RSRC1: variants seen among roughly 807,000 people sequenced by gnomAD.
RSRC1 encodes the protein arginine and serine rich coiled-coil 1, also known as serine/Arginine-related protein 53.
Under a neutral mutation model 49.1 loss-of-function variants are expected in RSRC1, and 39 were observed. The ratio of observed to expected loss-of-function variants is 0.79; its 90% confidence interval spans 0.61 to 1.04. The LOEUF (loss-of-function observed/expected upper bound fraction) is 1.04, where lower values mean the gene tolerates loss of function less well. Ranked by LOEUF, RSRC1 falls within the 50% of genes least tolerant of loss-of-function variation. The pLI is 0.00. For synonymous variants in RSRC1, 143 were observed against 130.8 expected (o/e 1.09, Z -0.63); for missense variants, 388 against 402.4 (o/e 0.96, Z 0.31).
intron 7 of RSRC1, among the ~76,000 whole-genome samples, 191 bp from the exon 8 acceptor site, chr3:158,536,901 T>C (rs1434144640): frequency 6.6e-6 from 1 of 151,544 alleles, no homozygotes; most frequent in Non-Finnish European, 1.5e-5. Flanking sequence ...GTGTTTTAGG[T>C]TTTGAGTATA....
intron 7 of RSRC1, among the ~76,000 whole-genome samples, chr3:158,515,947 CA>C (rs1740500143): frequency 6.6e-6 from 1 of 151,202 alleles, no homozygotes; most frequent in African/African-American, 2.4e-5. Context: ...TTTTCAGCTC[CA>C]TCAGCTCCTT....
intron 7 of RSRC1, among the ~76,000 whole-genome samples, chr3:158,525,939 T>A (rs1176106182): frequency 6.6e-6 from 1 of 151,886 alleles, no homozygotes. Flanking sequence ...ACAATGGACA[T>A]GTTCTATATA....
chr3:158,179,409 C>T (rs775477790), intron 3 of RSRC1, among the ~76,000 whole-genome samples: 1 of 152,148 alleles, frequency 6.6e-6, no homozygotes, highest in East Asian at 1.9e-4. Context: ...TTTTAGACCC[C>T]CTTTGAAAGA....
At chr3:158,457,480 C>G (rs1737391490) in intron 6 of RSRC1, among the ~76,000 whole-genome samples, 2 of 151,886 alleles carry the variant, frequency 1.3e-5, no homozygotes, top group Non-Finnish European at 2.9e-5. Context: ...TGGCAGTGTC[C>G]AGGAAGTAAT....
intron 5 of RSRC1, among the ~76,000 whole-genome samples, chr3:158,333,159 AGGGTTTCACCAT>A (rs1729657999): frequency 6.6e-6 from 1 of 151,984 alleles, no homozygotes; most frequent in Non-Finnish European, 1.5e-5. Context: ...TAGTAGAGAC[AGGGTTTCACCAT>A]GGTAGCCAGG....
At chr3:158,334,716 T>A (rs1729785487) in intron 5 of RSRC1, among the ~76,000 whole-genome samples, 1 of 150,286 alleles carries the variant, frequency 6.7e-6, no homozygotes, top group Non-Finnish European at 1.5e-5. Context: ...AGACAGGGTT[T>A]CACCATGTTG....
intron 5 of RSRC1, among the ~76,000 whole-genome samples, chr3:158,305,451 G>C (rs1727786707): frequency 6.6e-6 from 1 of 152,046 alleles, no homozygotes; most frequent in Non-Finnish European, 1.5e-5. Flanking sequence ...AGACCTTCTT[G>C]AAACTACTGC....
intron 7 of RSRC1, among the ~76,000 whole-genome samples, chr3:158,461,756 C>T (rs564244489): frequency 2.0e-5 from 3 of 151,854 alleles, no homozygotes; most frequent in Non-Finnish European, 4.4e-5. Context: ...TAGCTATTTC[C>T]TCTTGTGAGC....
chr3:158,475,565 A>G (rs1444767115), intron 7 of RSRC1, among the ~76,000 whole-genome samples: 1 of 152,138 alleles, frequency 6.6e-6, no homozygotes, highest in Non-Finnish European at 1.5e-5. Context: ...TATTTTAAAC[A>G]TGCTCATTAT....
intron 6 of RSRC1, among the ~76,000 whole-genome samples, chr3:158,388,643 C>T (rs1733096026): frequency 6.7e-6 from 1 of 149,432 alleles, no homozygotes; most frequent in African/African-American, 2.5e-5. Context: ...CTGAGTCTCG[C>T]TCTGTAGCTC....
At chr3:158,408,270 C>G (rs1734258629) in intron 6 of RSRC1, among the ~76,000 whole-genome samples, 4 of 152,074 alleles carry the variant, frequency 2.6e-5, no homozygotes, top group Non-Finnish European at 5.9e-5. Flanking sequence ...GTTTTAGTCA[C>G]CAGAGACATA....
chr3:158,331,934 T>A (rs940715455), intron 5 of RSRC1, among the ~76,000 whole-genome samples: 20 of 151,820 alleles, frequency 1.3e-4, no homozygotes, highest in Non-Finnish European at 1.5e-4. Context: ...ATAATATATA[T>A]CTTTTAAAGT....
intron 7 of RSRC1, 62 bp downstream of exon 7, chr3:158,461,065 C>G: frequency 7.9e-7 from 1 of 1,262,508 alleles, no homozygotes; most frequent in Non-Finnish European, 1.1e-6. Flanking sequence ...CCTGAATAGA[C>G]CGTAGAATAT....
chr3:158,272,459 G>A (rs28396261), intron 4 of RSRC1, among the ~76,000 whole-genome samples: 2,566 of 151,716 alleles, frequency 0.017, 66 homozygotes, highest in African/African-American at 0.06. Flanking sequence ...TTTTTCTTCC[G>A]ATTTATACTT....
chr3:158,283,015 A>G (rs79492673), intron 4 of RSRC1, among the ~76,000 whole-genome samples: 12 of 152,296 alleles, frequency 7.9e-5, no homozygotes, highest in South Asian at 2.1e-4. Flanking sequence ...CATTGCAAAC[A>G]TAACTGTGTT....
At chr3:158,292,030 T>G (rs1002988703) in intron 4 of RSRC1, among the ~76,000 whole-genome samples, 3 of 152,232 alleles carry the variant, frequency 2.0e-5, no homozygotes, top group Non-Finnish European at 4.4e-5. Flanking sequence ...GCATAATTGA[T>G]ACATGGCATC....
intron 3 of RSRC1, among the ~76,000 whole-genome samples, chr3:158,179,862 G>C (rs922415440): frequency 3.9e-5 from 6 of 152,066 alleles, no homozygotes; most frequent in Non-Finnish European, 7.4e-5. Context: ...AGCACTATAT[G>C]AGCTATCCAG....
chr3:158,229,201 T>C (rs1171192339), intron 4 of RSRC1, among the ~76,000 whole-genome samples: 1 of 98,820 alleles, frequency 1.0e-5, no homozygotes, highest in Non-Finnish European at 2.3e-5. Context: ...TACATATATG[T>C]GTATATATGT....
At chr3:158,367,896 TG>T (rs1276638436) in intron 6 of RSRC1, among the ~76,000 whole-genome samples, 6 of 152,184 alleles carry the variant, frequency 3.9e-5, no homozygotes, top group Admixed American at 3.9e-4. Flanking sequence ...TTTAGCTTTT[TG>T]TTAATCCAAA....
Sources: gnomAD v4.1 joint callset for allele counts (sites outside exome capture counted in the v4.1 genomes callset) on GRCh38, gnomAD v4.1.1 for gene constraint, MANE v1.5 for transcripts, NCBI Gene and HGNC (gene_info 2026-07-23, HGNC 2026-07-21) for gene names.